OCLN: variants seen among roughly 807,000 people sequenced by gnomAD.
OCLN encodes the protein phosphatase 1, regulatory subunit 115.
A neutral mutation model predicts 47.9 loss-of-function variants in OCLN; 21 were observed. The observed-to-expected ratio is 0.44, with a 90% CI of 0.31 to 0.63. The LOEUF is 0.63. OCLN is among the 30% of genes least tolerant of loss of function. The pLI, the probability that OCLN is intolerant of heterozygous loss-of-function variation, is 0.08. For synonymous variants in OCLN, 117 were observed against 198.4 expected, an observed-to-expected ratio of 0.59 and a Z score of 3.45; for missense variants, 360 against 571.0, an observed-to-expected ratio of 0.63 and a Z score of 3.77.
chr5:69,535,601 C>T (rs1296600965), intron 5 of OCLN, among the ~76,000 whole-genome samples: 1 of 104,682 alleles, frequency 9.6e-6, no homozygotes, highest in African/African-American at 3.9e-5. Flanking sequence ...GATGGGAATA[C>T]TGAGAAGTGT....
chr5:69,511,223 G>A (rs1291187988), intron 3 of OCLN, among the ~76,000 whole-genome samples: 4 of 149,732 alleles, frequency 2.7e-5, no homozygotes, highest in Non-Finnish European at 4.4e-5. Context: ...TACAGGCACC[G>A]GCCACCACGC....
chr5:69,512,171 AT>A (rs1768808974), intron 3 of OCLN, among the ~76,000 whole-genome samples: 1 of 151,814 alleles, frequency 6.6e-6, no homozygotes, highest in South Asian at 2.1e-4. Flanking sequence ...CTATTATTTA[AT>A]TTTTCTATAG....
At position 69,509,735 on chromosome 5, in the gene OCLN, C is replaced by T; in HGVS notation, c.645C>T (p.Leu215=). The T allele has an allele frequency of 1.2e-6, 2 of 1,614,158 alleles. No individual in the cohort carries two copies. Among genetic ancestry groups the T allele is most frequent in the African/African-American group, 1.3e-5 (1 of 75,052 alleles). The change falls in exon 3 of 9, where the codon CTC becomes CTT. Residue 215 remains leucine (L), a synonymous_variant. Transcript: ENST00000396442. The stretch of plus-strand genomic sequence containing the variant: ...TATATGGTTCACAAATATATGCCCT[C>T]TGCAACCAATTTTATACACCTGCAG... ...GSLYGSQIYA[L]CNQFYTPAAT...
chr5:69,536,218 A>G (rs1405023162), intron 5 of OCLN, among the ~76,000 whole-genome samples: 1 of 151,824 alleles, frequency 6.6e-6, no homozygotes, highest in Non-Finnish European at 1.5e-5. Context: ...GTCAGGGAGT[A>G]AGTGGTGAGT....
intron 1 of OCLN, among the ~76,000 whole-genome samples, chr5:69,494,510 C>T (rs1234687560): frequency 6.6e-6 from 1 of 152,180 alleles, no homozygotes; most frequent in Non-Finnish European, 1.5e-5. Flanking sequence ...CTTAGTGGTG[C>T]TTTAAAATAG....
chr5:69,514,829 A>G (rs1316784564), intron 4 of OCLN, among the ~76,000 whole-genome samples: 1 of 152,228 alleles, frequency 6.6e-6, no homozygotes, highest in East Asian at 1.9e-4. Context: ...TTCAGAGAGC[A>G]CAGGGTTGGG....
intron 5 of OCLN, among the ~76,000 whole-genome samples, chr5:69,536,885 G>A (rs900720995): frequency 8.6e-5 from 13 of 151,548 alleles, no homozygotes; most frequent in South Asian, 2.1e-4. Context: ...GGAGAATGGC[G>A]TGAACCCGGG....
At chr5:69,501,792 G>A (rs192403696) in intron 1 of OCLN, among the ~76,000 whole-genome samples, 8 of 152,310 alleles carry the variant, frequency 5.3e-5, no homozygotes, top group Non-Finnish European at 1.0e-4. Context: ...TGCTAATTGT[G>A]TTGGTGTTAT....
Position 69,525,939 on chromosome 5 carries a change from C to T in OCLN, c.892-8755C>T, listed in dbSNP as rs907594360. Among the ~76,000 whole-genome samples the T allele has an allele frequency of 1.3e-5, 2 of 152,160 alleles. 1 individual carries two copies. Among genetic ancestry groups the T allele is most frequent in the South Asian group, 4.1e-4 (2 of 4,824 alleles). On this transcript the variant is annotated intron_variant, in intron 4 of 8. Transcript: ENST00000396442. Reference sequence around the variant, plus strand: ...TGTTCTCATGCCGAGTGAACCTTCTCACCGTTTTTCTAGGTTATTTTATGA... The same window carrying T: ...TGTTCTCATGCCGAGTGAACCTTCTTACCGTTTTTCTAGGTTATTTTATGA...
At chr5:69,524,403 G>T (rs1009357372) in intron 4 of OCLN, among the ~76,000 whole-genome samples, 20 of 152,136 alleles carry the variant, frequency 1.3e-4, no homozygotes, top group African/African-American at 4.8e-4. Context: ...ATTATAATTT[G>T]CTTTTTAAGT....
At chr5:69,533,783 G>A (rs538009777) in intron 4 of OCLN, among the ~76,000 whole-genome samples, 1 of 152,144 alleles carries the variant, frequency 6.6e-6, no homozygotes, top group African/African-American at 2.4e-5. Context: ...CTCCCGAGTA[G>A]CTGGGACTAC....
intron 7 of OCLN, among the ~76,000 whole-genome samples, chr5:69,549,783 C>T (rs1228541508): frequency 1.1e-4 from 16 of 151,570 alleles, no homozygotes; most frequent in Admixed American, 1.1e-3. Flanking sequence ...TTTACAGATA[C>T]CTGTTTTATA....
intron 4 of OCLN, among the ~76,000 whole-genome samples, chr5:69,529,776 T>A (rs1161478154): frequency 6.6e-6 from 1 of 152,136 alleles, no homozygotes; most frequent in Non-Finnish European, 1.5e-5. Flanking sequence ...CTAATTTTTG[T>A]ATTTTTAGTA....
chr5:69,509,719 C>T lies in OCLN; in HGVS notation c.629C>T (p.Ser210Leu). Reference protein sequence around the residue: ...TAQSSGSLYGSQIYALCNQFY... With the variant: ...TAQSSGSLYGLQIYALCNQFY... ...CAGTCTTCTGGATCTCTATATGGTT[C>T]ACAAATATATGCCCTCTGCAACCAA... The change falls in exon 3 of 9, where the codon TCA becomes TTA. Residue 210 changes from serine to leucine, a missense_variant. Ser to Leu is a moderately radical substitution (Grantham distance 145, BLOSUM62 -2). Around this residue, in one of 3 missense-constraint regions of OCLN, gnomAD observed 314 missense variants for 368.1 expected, o/e 0.85. Coordinates refer to ENST00000396442, the MANE Select transcript of OCLN (RefSeq NM_001205254.2). 1 of 1,614,096 alleles carries T rather than the reference C, an allele frequency of 6.2e-7. No individual in the cohort carries two copies. The highest frequency in any genetic ancestry group is 8.5e-7 in the Non-Finnish European group (1 of 1,179,962).
chr5:69,529,107 T>G (rs1580579568), intron 4 of OCLN, among the ~76,000 whole-genome samples: 1 of 152,212 alleles, frequency 6.6e-6, no homozygotes, highest in Non-Finnish European at 1.5e-5. Flanking sequence ...GACCTTTTTA[T>G]TCCTTCTCTG....
At chr5:69,501,479 A>T (rs759970505) in intron 1 of OCLN, among the ~76,000 whole-genome samples, 1 of 151,970 alleles carries the variant, frequency 6.6e-6, no homozygotes, top group Non-Finnish European at 1.5e-5. Context: ...AAAATACAAA[A>T]ATTAGCCAGG....
At chr5:69,513,870 T>C in intron 3 of OCLN, 78 bp from the exon 4 acceptor site, 1 of 1,250,068 alleles carries the variant, frequency 8.0e-7, no homozygotes, top group Non-Finnish European at 1.2e-6. Flanking sequence ...TAGATAAGGG[T>C]TTTAATAATA....
At chr5:69,536,181 T>C (rs1281953040) in intron 5 of OCLN, among the ~76,000 whole-genome samples, 20 of 152,066 alleles carry the variant, frequency 1.3e-4, no homozygotes, top group Admixed American at 1.2e-3. Context: ...GAATGAAGCT[T>C]GTAGGACTGG....
rs1160277321 is a variant in OCLN, at chr5:69,506,445, G to A, written c.50+2151G>A. Among the ~76,000 whole-genome samples the A allele has an allele frequency of 5.3e-5, 8 of 152,252 alleles. No individual in the cohort carries two copies. The East Asian group carries it at 1.4e-3, about 26-fold the overall frequency. ...AGCTGTCCAGAAGTTCTGTGAATTC[G>A]GTCCTTTTGGGTTTTTATGGAAGCT... On this transcript the variant is annotated intron_variant, in intron 2 of 8. Coordinates refer to ENST00000396442, the MANE Select transcript of OCLN (RefSeq NM_001205254.2).
Sources: gnomAD v4.1 joint callset for allele counts (sites outside exome capture counted in the v4.1 genomes callset) on GRCh38, gnomAD v4.1.1 for gene constraint, gnomAD v4.1.1 regional missense constraint, MANE v1.5 for transcripts, NCBI Gene and HGNC (gene_info 2026-07-23, HGNC 2026-07-21) for gene names.